The following ZNF544 variants were observed in gnomAD, a reference collection of about 807,000 sequenced individuals.
ZNF544 encodes the protein zinc finger protein 544.
A neutral mutation model predicts 13.5 loss-of-function variants in ZNF544; 10 were observed. That is an observed-to-expected ratio of 0.74 (90% CI 0.46 to 1.25). The LOEUF is 1.25. Ranked by LOEUF, ZNF544 falls within the 50% of genes most tolerant of loss-of-function variation. ZNF544 has a pLI of 0.00. For missense variants in ZNF544, 896 were observed against 845.6 expected, an observed-to-expected ratio of 1.06 and a Z score of -0.74; for synonymous variants, 323 against 300.5, an observed-to-expected ratio of 1.07 and a Z score of -0.77.
At chr19:58,242,293 G>A (rs1400197380) in intron 3 of ZNF544, 1 of 985,124 alleles carries the variant, frequency 1.0e-6, no homozygotes, top group Non-Finnish European at 1.2e-6. Flanking sequence ...GGTTTCCCAA[G>A]CCTTTGAAGG....
intron 5 of ZNF544, among the ~76,000 whole-genome samples, chr19:58,272,243 G>A (rs2050724856): frequency 6.6e-6 from 1 of 151,856 alleles, no homozygotes; most frequent in Non-Finnish European, 1.5e-5. Flanking sequence ...AGCAGGCAGG[G>A]CAGGAAGGTT....
chr19:58,268,382 CAAGT>C (rs754808829), downstream of ZNF544, among the ~76,000 whole-genome samples: 11 of 152,274 alleles, frequency 7.2e-5, no homozygotes, highest in African/African-American at 2.6e-4. Flanking sequence ...TTTGAAATTA[CAAGT>C]AAGATTGTTC....
rs1000465051 is a variant in ZNF544 at position 58,263,607 on chromosome 19, C to T, written c.*853C>T. The T allele has an allele frequency of 1.9e-4, 189 of 980,474 alleles. No homozygotes were observed. Among genetic ancestry groups the T allele is most frequent in the Non-Finnish European group, 2.2e-4 (181 of 825,534 alleles). 60.7% of individuals were successfully genotyped at this position (980,474 alleles called of 1,614,324 possible). On this transcript the variant is annotated 3_prime_UTR_variant, in exon 7 of 7. Coordinates refer to ENST00000687789, the MANE Select transcript of ZNF544 (RefSeq NM_014480.4). ...CACTGAAACTGTGTATTACCAAGCT[C>T]ACTCTAGCCAACTAAATAAAAATCT...
At chr19:58,243,549 C>G (rs565975005) in intron 3 of ZNF544, among the ~76,000 whole-genome samples, 1 of 151,836 alleles carries the variant, frequency 6.6e-6, no homozygotes, top group East Asian at 1.9e-4. Flanking sequence ...CTCCCAGAGC[C>G]GAGGGAAGTT....
At chr19:58,235,497 A>C (rs1224477710) in intron 3 of ZNF544, among the ~76,000 whole-genome samples, 1 of 152,194 alleles carries the variant, frequency 6.6e-6, no homozygotes, top group African/African-American at 2.4e-5. Context: ...TTAGCTATTT[A>C]CATCTTTGAC....
intron 6 of ZNF544, among the ~76,000 whole-genome samples, chr19:58,254,868 T>C (rs572527831): frequency 3.3e-4 from 50 of 151,582 alleles, no homozygotes; most frequent in African/African-American, 1.1e-3. Context: ...TTCTTTCTTT[T>C]TTTTTTTTTT....
At chr19:58,264,981 C>T (rs6510131), downstream of ZNF544, among the ~76,000 whole-genome samples, 10,032 of 152,196 alleles carry the variant, frequency 0.066, 655 homozygotes, top group African/African-American at 0.16. Context: ...CACCACTGCA[C>T]TCCAGCCTAG....
intron 5 of ZNF544, among the ~76,000 whole-genome samples, chr19:58,275,437 G>T (rs2051137448): frequency 6.6e-6 from 1 of 151,814 alleles, no homozygotes; most frequent in Admixed American, 6.6e-5. Context: ...GGAACGCCCA[G>T]GGCTCCCTGA....
At chr19:58,276,497 T>C (rs980221434) in intron 6 of ZNF544, 1 of 1,011,042 alleles carries the variant, frequency 9.9e-7, no homozygotes, top group Non-Finnish European at 1.3e-6. Context: ...AGATGGAGTC[T>C]CACTCTGTCG....
intron 6 of ZNF544, chr19:58,277,127 A>G (rs1299651220): frequency 5.8e-6 from 7 of 1,216,230 alleles, no homozygotes; most frequent in African/African-American, 1.6e-5. Context: ...AGCTCAGTCC[A>G]AAACCATGTC....
chr19:58,268,382 C>G (rs376697542), downstream of ZNF544, among the ~76,000 whole-genome samples: 343 of 152,272 alleles, frequency 2.3e-3, 2 homozygotes, highest in Admixed American at 3.5e-3. Context: ...TTTGAAATTA[C>G]AAGTAAGATT....
chr19:58,241,921 T>TTCTCTCTC (rs143693031), intron 3 of ZNF544, among the ~76,000 whole-genome samples: 26,259 of 149,438 alleles, frequency 0.18, 2,570 homozygotes, highest in East Asian at 0.45. Context: ...TGCTGTTCAC[T>TTCTCTCTC]TCTCTCTCTC....
chr19:58,241,082 C>T (rs2043497515), intron 3 of ZNF544, among the ~76,000 whole-genome samples: 1 of 115,656 alleles, frequency 8.6e-6, no homozygotes, highest in Admixed American at 9.6e-5. Flanking sequence ...AGCAATCATC[C>T]TGCCTCAGTC....
chr19:58,244,516 G>C (rs1024729914), intron 4 of ZNF544, among the ~76,000 whole-genome samples: 3 of 152,050 alleles, frequency 2.0e-5, no homozygotes, highest in Non-Finnish European at 2.9e-5. Flanking sequence ...TTGTCCGACT[G>C]TGTCTTTATG....
chr19:58,269,781 T>C (rs930820120), intron 5 of ZNF544, among the ~76,000 whole-genome samples: 10 of 151,752 alleles, frequency 6.6e-5, no homozygotes, highest in Admixed American at 3.3e-4. Flanking sequence ...ATTAGCCAAG[T>C]GTGGTGATAA....
Position 58,262,912 on chromosome 19 carries a change from C to G in ZNF544, c.*158C>G, listed in dbSNP as rs550789029. On this transcript the variant is annotated 3_prime_UTR_variant, in exon 7 of 7. Transcript: ENST00000687789. ...GGACATATCCTGGAGAAAAGCCCTA[C>G]GAATGCATTGATTGTGGGAAAGCCT... 8.9e-6 allele frequency: 13 copies of G among 1,453,702 alleles called. No individual in the cohort carries two copies. Among genetic ancestry groups the G allele is most frequent in the Non-Finnish European group, 1.2e-5 (13 of 1,109,786 alleles). The allele number at this position is 1,453,702 out of a possible 1,614,324, so 90.1% of individuals were successfully genotyped here. A position where few individuals can be genotyped will look rare whatever the true frequency, so the allele number is the denominator to read the frequency against.
intron 6 of ZNF544, among the ~76,000 whole-genome samples, chr19:58,252,942 C>G (rs1008404204): frequency 1.3e-5 from 2 of 152,222 alleles, no homozygotes; most frequent in Non-Finnish European, 2.9e-5. Flanking sequence ...GCCTCAACCT[C>G]CCGAGTAGCT....
At chr19:58,245,635 G>C (rs74625788) in intron 4 of ZNF544, among the ~76,000 whole-genome samples, 1 of 152,130 alleles carries the variant, frequency 6.6e-6, no homozygotes, top group South Asian at 2.1e-4. Flanking sequence ...GGGAGTTAGG[G>C]TTCAACATGT....
At chr19:58,251,448 C>T (rs1189363053) in intron 6 of ZNF544, 1 of 508,970 alleles carries the variant, frequency 2.0e-6, no homozygotes, top group African/African-American at 1.9e-5. Flanking sequence ...CCCCAGAAGG[C>T]ATGGCCAGTA....
Sources: gnomAD v4.1 joint callset for allele counts (sites outside exome capture counted in the v4.1 genomes callset) on GRCh38, gnomAD v4.1.1 for gene constraint, MANE v1.5 for transcripts, NCBI Gene and HGNC (gene_info 2026-07-23, HGNC 2026-07-21) for gene names.